The following FAM83B variants were observed in gnomAD, a reference collection of about 807,000 sequenced individuals.
FAM83B encodes the protein scaffolding CK1 anchoring protein B, also known as protein FAM83B.
FAM83B carries 26 observed loss-of-function variants against 38.8 expected under a neutral mutation model. The observed-to-expected ratio is 0.67, with a 90% confidence interval of 0.49 to 0.93. FAM83B has a LOEUF of 0.93. Among genes scored for constraint, FAM83B ranks in the 40% least tolerant of loss-of-function variants. FAM83B has a pLI of 0.00. For synonymous variants in FAM83B, 419 were observed against 423.1 expected (o/e 0.99, Z 0.12); for missense variants, 1,237 against 1,197.3 (o/e 1.03, Z -0.49).
chr6:54,904,261 C>T (rs952570312), intron 2 of FAM83B, among the ~76,000 whole-genome samples: 1 of 152,116 alleles, frequency 6.6e-6, no homozygotes, highest in African/African-American at 2.4e-5. Flanking sequence ...AGTACATATG[C>T]TGATATGTAG....
intron 2 of FAM83B, among the ~76,000 whole-genome samples, chr6:54,910,126 C>T (rs1374948041): frequency 6.6e-6 from 1 of 152,054 alleles, no homozygotes; most frequent in Non-Finnish European, 1.5e-5. Flanking sequence ...AGACCCAGAC[C>T]ATGAAAACCA....
Position 54,870,693 on chromosome 6 carries a change from A to G in FAM83B, c.444+3A>G. Reference sequence around the variant, plus strand: ...AGATGATAAAAGAAGCAAGAAAGGTAATAACATTTCTATTTTGAAATGAAA... The same window carrying G: ...AGATGATAAAAGAAGCAAGAAAGGTGATAACATTTCTATTTTGAAATGAAA... On this transcript the variant is annotated splice_donor_region_variant and intron_variant, in intron 2 of 4. Coordinates refer to ENST00000306858, the MANE Select transcript of FAM83B (RefSeq NM_001010872.3). The G allele has an allele frequency of 6.3e-7, 1 of 1,575,070 alleles. No homozygotes were observed. The highest frequency in any genetic ancestry group is 8.6e-7 in the Non-Finnish European group (1 of 1,163,956).
chr6:54,863,617 A>C (rs1484876263), intron 1 of FAM83B, among the ~76,000 whole-genome samples: 1 of 151,990 alleles, frequency 6.6e-6, no homozygotes, highest in Non-Finnish European at 1.5e-5. Flanking sequence ...TTCTCTTTGG[A>C]CTAAAAGTTC....
rs930783463 is a variant in FAM83B, at chr6:54,894,592, TAAG to T, written c.444+23906_444+23908del. On this transcript the variant is annotated intron_variant, in intron 2 of 4. Transcript: ENST00000306858. ...AGAATCTATGCCATCTTAGGGAACC[TAAG>T]AAGTAGAACTCCACAGGGGTTTGGC... Among the ~76,000 whole-genome samples the T allele has an allele frequency of 2.5e-3, 376 of 152,276 alleles. 1 individual carries two copies. Among genetic ancestry groups the T allele is most frequent in the African/African-American group, 8.6e-3 (356 of 41,560 alleles).
intron 1 of FAM83B, among the ~76,000 whole-genome samples, chr6:54,864,649 A>G (rs1186150871): frequency 1.3e-5 from 2 of 152,224 alleles, no homozygotes; most frequent in Non-Finnish European, 2.9e-5. Flanking sequence ...TTTTAATTTA[A>G]TAGAAACTTC....
intron 1 of FAM83B, among the ~76,000 whole-genome samples, chr6:54,859,585 A>C (rs1771528169): frequency 6.6e-6 from 1 of 152,226 alleles, no homozygotes; most frequent in African/African-American, 2.4e-5. Context: ...TAAATAATGC[A>C]TGAGAAGGGA....
intron 2 of FAM83B, among the ~76,000 whole-genome samples, chr6:54,920,553 A>C (rs945809694): frequency 4.6e-5 from 7 of 151,932 alleles, no homozygotes; most frequent in Admixed American, 4.6e-4. Context: ...GCTCTGTATT[A>C]TAATAGACTT....
At chr6:54,865,777 G>T (rs1217827606) in intron 1 of FAM83B, among the ~76,000 whole-genome samples, 1 of 152,006 alleles carries the variant, frequency 6.6e-6, no homozygotes, top group East Asian at 1.9e-4. Flanking sequence ...ATTCTCTCAG[G>T]TCAGAAACTA....
chr6:54,883,547 G>A (rs1467378437), intron 2 of FAM83B, among the ~76,000 whole-genome samples: 1 of 148,858 alleles, frequency 6.7e-6, no homozygotes, highest in South Asian at 2.1e-4. Context: ...TGTTGGTCAG[G>A]CTGGTCTCGA....
At chr6:54,937,065 T>C (rs908792317) in intron 4 of FAM83B, among the ~76,000 whole-genome samples, 3 of 151,164 alleles carry the variant, frequency 2.0e-5, no homozygotes. Context: ...AATCTGCACA[T>C]TCTTTTAATT....
At chr6:54,909,419 C>T (rs1485905998) in intron 2 of FAM83B, among the ~76,000 whole-genome samples, 1 of 152,014 alleles carries the variant, frequency 6.6e-6, no homozygotes, top group South Asian at 2.1e-4. Context: ...AGTGGTGAAA[C>T]CGCAATTACT....
chr6:54,868,560 G>A (rs562614736), intron 1 of FAM83B, among the ~76,000 whole-genome samples: 1 of 152,156 alleles, frequency 6.6e-6, no homozygotes, highest in African/African-American at 2.4e-5. Flanking sequence ...TTTTATACTA[G>A]CAGACAAGAT....
At position 54,872,245 on chromosome 6, in the gene FAM83B, A is replaced by G. The variant is rs1297928364; in HGVS notation, c.444+1555A>G. ...ACCAAACTTTTATTGAATGAATTGA[A>G]CTGTCATTCAGCTTTCTGAATTGAA... is the stretch of plus-strand genomic sequence containing the variant. On this transcript the variant is annotated intron_variant, in intron 2 of 4. Transcript: ENST00000306858. Among the ~76,000 whole-genome samples, 6 of 152,220 alleles carry G rather than the reference A, an allele frequency of 3.9e-5. No individual in the cohort carries two copies. In the East Asian group the frequency reaches 1.2e-3, roughly 29 times the overall value.
chr6:54,881,342 T>G (rs2127577870), intron 2 of FAM83B, among the ~76,000 whole-genome samples: 1 of 152,350 alleles, frequency 6.6e-6, no homozygotes, highest in African/African-American at 2.4e-5. Flanking sequence ...TCATAACTGT[T>G]TCTGTGTAAT....
intron 2 of FAM83B, among the ~76,000 whole-genome samples, chr6:54,879,800 C>A (rs1027803652): frequency 6.6e-6 from 1 of 152,114 alleles, no homozygotes; most frequent in Non-Finnish European, 1.5e-5. Context: ...TTAACACATA[C>A]AGAAGAATGT....
At chr6:54,858,295 T>A (rs1325001662) in intron 1 of FAM83B, among the ~76,000 whole-genome samples, 2 of 152,282 alleles carry the variant, frequency 1.3e-5, no homozygotes, top group East Asian at 3.9e-4. Context: ...CCCCCACCTA[T>A]CCGACATTTT....
intron 2 of FAM83B, among the ~76,000 whole-genome samples, chr6:54,900,976 G>A (rs1023827820): frequency 3.3e-5 from 5 of 152,078 alleles, no homozygotes; most frequent in Admixed American, 1.3e-4. Flanking sequence ...AGTAATCATA[G>A]GTCAAAATTT....
At chr6:54,938,584 A>G (rs1773578158) in intron 4 of FAM83B, among the ~76,000 whole-genome samples, 1 of 152,046 alleles carries the variant, frequency 6.6e-6, no homozygotes, top group South Asian at 2.1e-4. Context: ...GTGGTACCTC[A>G]TTGTGGGCTT....
chr6:54,893,306 T>C (rs1581906269), intron 2 of FAM83B, among the ~76,000 whole-genome samples: 2 of 152,294 alleles, frequency 1.3e-5, no homozygotes, highest in South Asian at 4.1e-4. Context: ...CTCCTGAGAA[T>C]TTTTTATTTA....
Sources: allele counts gnomAD v4.1 joint callset (sites outside exome capture counted in the v4.1 genomes callset), GRCh38; gene constraint gnomAD v4.1.1; transcripts MANE v1.5; gene names NCBI Gene and HGNC (gene_info 2026-07-23, HGNC 2026-07-21).